Variants in SRGAP3 observed in about 807,000 individuals in gnomAD.
SRGAP3 encodes SLIT-ROBO Rho GTPase-activating protein 3.
Under a neutral mutation model 121.1 loss-of-function variants are expected in SRGAP3, and 39 were observed. The ratio of observed to expected loss-of-function variants is 0.32; its 90% CI spans 0.25 to 0.42. SRGAP3 has a LOEUF of 0.42. Ranked by LOEUF, SRGAP3 falls within the 10% of genes least tolerant of loss-of-function variation. The pLI, the probability that SRGAP3 is intolerant of heterozygous loss-of-function variation, is 1.00. For synonymous variants in SRGAP3, 601 were observed against 570.0 expected (o/e 1.05, Z -0.77); for missense variants, 1,213 against 1,470.6 (o/e 0.82, Z 2.86).
At position 9,099,053 on chromosome 3, in the gene SRGAP3, A is replaced by C. The variant is rs1403668557; in HGVS notation, c.423+5627T>G. On this transcript the variant is annotated intron_variant, in intron 3 of 21. Coordinates refer to ENST00000383836, the MANE Select transcript of SRGAP3 (RefSeq NM_014850.4). ...TCACTCCACTCTCTCATGCAACCAA[A>C]AAATAAAAAATAAACTTGGCTTTGA... Among the ~76,000 whole-genome samples the C allele has an allele frequency of 2.0e-5, 3 of 152,166 alleles. No homozygotes were observed. The East Asian group carries it at 5.8e-4, about 29-fold the overall frequency.
At chr3:9,091,675 G>T in intron 3 of SRGAP3, among the ~76,000 whole-genome samples, 1 of 152,192 alleles carries the variant, frequency 6.6e-6, no homozygotes, top group South Asian at 2.1e-4. Context: ...AACAGTTAAC[G>T]GCTCACTCCC....
At chr3:9,176,138 T>G (rs1951172546) in intron 1 of SRGAP3, among the ~76,000 whole-genome samples, 1 of 152,132 alleles carries the variant, frequency 6.6e-6, no homozygotes, top group Non-Finnish European at 1.5e-5. Context: ...GCCAGGCTGG[T>G]CTCAAACTCC....
intron 10 of SRGAP3, among the ~76,000 whole-genome samples, chr3:9,038,342 C>T (rs2013408): frequency 0.13 from 20,491 of 152,252 alleles, 1,918 homozygotes; most frequent in African/African-American, 0.27. Context: ...TCTCAAACTA[C>T]AGCCCGCTGA....
chr3:9,245,355 A>C (rs1953781322), intron 1 of SRGAP3, among the ~76,000 whole-genome samples: 1 of 152,216 alleles, frequency 6.6e-6, no homozygotes, highest in Admixed American at 6.5e-5. Context: ...CACGTGGCCA[A>C]CTTTATCCAT....
chr3:9,070,759 C>A (rs536604659), intron 4 of SRGAP3, among the ~76,000 whole-genome samples: 1 of 152,128 alleles, frequency 6.6e-6, no homozygotes, highest in Non-Finnish European at 1.5e-5. Flanking sequence ...GATTGCTGTA[C>A]CATCAATCAT....
Position 9,104,783 on chromosome 3 carries a change from C to T in SRGAP3, c.320G>A (p.Arg107Gln). The change falls in exon 3 of 22, where the codon CGG becomes CAG. Residue 107 changes from arginine (R) to glutamine (Q), a missense_variant. Arg to Gln is a conservative substitution (Grantham distance 43, BLOSUM62 1). Coordinates refer to ENST00000383836, the MANE Select transcript of SRGAP3 (RefSeq NM_014850.4). ...NCWYLVLHQT[R>Q]RESRDHATLN... is the part of the protein sequence containing the mutation. ...GGTGGCATGGTCTCGGCTCTCCCGC[C>T]GGGTCTGATGCAGAACCAGATACCA... 1 of 1,614,234 alleles carries T rather than the reference C, an allele frequency of 6.2e-7. No individual in the cohort carries two copies. The highest frequency in any genetic ancestry group is 8.5e-7 in the Non-Finnish European group (1 of 1,180,046).
In SRGAP3 at chr3:9,274,646, C is replaced by T. The variant is rs2125262170; in HGVS notation, n.442+51364G>A. Among the ~76,000 whole-genome samples, 3 of 152,274 alleles carry T rather than the reference C, an allele frequency of 2.0e-5. No individual in the cohort carries two copies. The South Asian group carries it at 6.2e-4, about 32-fold the overall frequency. Reference sequence around the variant, plus strand: ...CACCTGCACCCAATTTCTTGTCTGGCATCCAGGAGGAATGAGGTTGCACAA... The same window carrying T: ...CACCTGCACCCAATTTCTTGTCTGGTATCCAGGAGGAATGAGGTTGCACAA... On this transcript the variant is annotated intron_variant and non_coding_transcript_variant, in intron 3 of 3. Coordinates refer to the SRGAP3 transcript ENST00000490889.
intron 2 of SRGAP3, among the ~76,000 whole-genome samples, chr3:9,117,391 G>A (rs2124955351): frequency 6.6e-6 from 1 of 152,328 alleles, no homozygotes; most frequent in Non-Finnish European, 1.5e-5. Context: ...GAAGTTAGTT[G>A]TTCACAGGAA....
At chr3:9,164,621 A>G (rs142546378) in intron 1 of SRGAP3, among the ~76,000 whole-genome samples, 381 of 152,160 alleles carry the variant, frequency 2.5e-3, no homozygotes, top group African/African-American at 8.9e-3. Context: ...ATTTACACAC[A>G]CTCACAGATG....
intron 1 of SRGAP3, among the ~76,000 whole-genome samples, chr3:9,332,091 A>G (rs144723608): frequency 5.3e-5 from 8 of 151,604 alleles, no homozygotes; most frequent in South Asian, 4.2e-4. Flanking sequence ...AAGTTATTCA[A>G]TGTGGTACAA....
upstream of SRGAP3, among the ~76,000 whole-genome samples, chr3:9,252,915 C>A (rs1954049803): frequency 6.6e-6 from 1 of 152,204 alleles, no homozygotes; most frequent in African/African-American, 2.4e-5. Flanking sequence ...CCACTAAGGA[C>A]CAGAAAAGCC....
chr3:9,035,742 A>T (rs894474671), intron 11 of SRGAP3: 2 of 164,906 alleles, frequency 1.2e-5, no homozygotes, highest in Admixed American at 1.3e-4. Context: ...CACGTTGGCA[A>T]CACAGGAAAT....
At chr3:9,206,019 G>A (rs1952255246) in intron 1 of SRGAP3, among the ~76,000 whole-genome samples, 1 of 152,072 alleles carries the variant, frequency 6.6e-6, no homozygotes, top group Admixed American at 6.6e-5. Flanking sequence ...TTTCATTTGG[G>A]GAAGATGAAA....
Position 9,109,678 on chromosome 3 carries a change from T to C in SRGAP3, c.261-4836A>G, listed in dbSNP as rs371214. Among the ~76,000 whole-genome samples, 47,248 of 151,934 alleles carry C rather than the reference T, an allele frequency of 0.31. 8,077 individuals carry two copies. The highest frequency in any genetic ancestry group is 0.39 in the Non-Finnish European group (26,226 of 67,930). ...TGAGGCAGCCTCATCAGTGCAGTCA[T>C]GGGAAGGAGGCTATGGAGCAGAGAG... On this transcript the variant is annotated intron_variant, in intron 2 of 21. Coordinates refer to ENST00000383836, the MANE Select transcript of SRGAP3 (RefSeq NM_014850.4). The surrounding 1 kb of genome is among the most constrained non-coding windows in gnomAD (Gnocchi z 4.4).
At chr3:9,211,734 C>T (rs906519838) in intron 1 of SRGAP3, among the ~76,000 whole-genome samples, 23 of 141,564 alleles carry the variant, frequency 1.6e-4, no homozygotes, top group South Asian at 4.5e-4. Flanking sequence ...GTGGCACAGT[C>T]ATGACTCACT....
intron 8 of SRGAP3, 48 bp downstream of exon 8, chr3:9,056,185 C>A: frequency 1.3e-6 from 2 of 1,593,454 alleles, no homozygotes; most frequent in Non-Finnish European, 1.7e-6. Context: ...CTGGGACAAG[C>A]CAGGCCTTCC....
intron 1 of SRGAP3, among the ~76,000 whole-genome samples, chr3:9,155,685 G>A (rs553197019): frequency 6.6e-6 from 1 of 151,972 alleles, no homozygotes; most frequent in East Asian, 1.9e-4. Flanking sequence ...CATCTATTGA[G>A]GTTTTAGTAA....
chr3:9,186,371 C>T lies in SRGAP3; in HGVS notation c.68-61454G>A, dbSNP rs574022834. ...TGACTACTTCCTGAGTAATATAAATCTTTCTTTATTGTTACATTGTCGGCT... is the reference window on the plus strand; with the variant it reads ...TGACTACTTCCTGAGTAATATAAATTTTTCTTTATTGTTACATTGTCGGCT... On this transcript the variant is annotated intron_variant, in intron 1 of 21. Transcript: ENST00000383836. Among the ~76,000 whole-genome samples, 296 of 152,268 alleles carry T rather than the reference C, an allele frequency of 1.9e-3. 2 individuals are homozygous for T. Among genetic ancestry groups the T allele is most frequent in the Middle Eastern group, 0.017 (5 of 294 alleles).
intron 3 of SRGAP3, among the ~76,000 whole-genome samples, chr3:9,293,623 C>T (rs1261824518): frequency 6.6e-6 from 1 of 151,894 alleles, no homozygotes; most frequent in South Asian, 2.1e-4. Context: ...CTATAAGGAA[C>T]GTAACAAATT....
Sources: gnomAD v4.1 joint callset for allele counts (sites outside exome capture counted in the v4.1 genomes callset) on GRCh38, gnomAD v4.1.1 for gene constraint, Gnocchi (gnomAD v3.1) non-coding constraint, MANE v1.5 for transcripts, NCBI Gene and HGNC (gene_info 2026-07-23, HGNC 2026-07-21) for gene names.